The following ZNF467 variants were observed in gnomAD, a reference collection of about 807,000 sequenced individuals.
ZNF467 encodes the protein zinc finger protein EZI.
In ZNF467, 51 loss-of-function variants were observed where a neutral mutation model predicts 47.8. The ratio of observed to expected loss-of-function variants is 1.07; its 90% CI spans 0.85 to 1.35. The LOEUF (loss-of-function observed/expected upper bound fraction) is 1.35. Ranked by LOEUF, ZNF467 falls within the 40% of genes most tolerant of loss-of-function variation. ZNF467 has a pLI of 0.00. For missense variants in ZNF467, 992 were observed against 858.1 expected (o/e 1.16, Z -1.95); for synonymous variants, 416 against 372.9 (o/e 1.12, Z -1.33).
Position 149,769,993 on chromosome 7 carries a change from A to C in ZNF467, c.151+447T>G, listed in dbSNP as rs1256518430. On this transcript the variant is annotated intron_variant, in intron 3 of 4. Transcript: ENST00000302017. This position sits in a 1 kb window ranked among gnomAD's most constrained non-coding sequence, Gnocchi z 5.3. ...TGCCCGGCTTCCCCAAGCTCCTTCA[A>C]ATCCTGCACAAATCTTACCTTCCCA... Among the ~76,000 whole-genome samples the C allele has an allele frequency of 4.6e-5, 7 of 152,136 alleles. No individual in the cohort carries two copies. In the South Asian group the frequency reaches 6.2e-4, roughly 14 times the overall value.
In ZNF467 at chr7:149,770,482, T is replaced by G; in HGVS notation, c.109A>C (p.Met37Leu). The change falls in exon 3 of 5, where the codon ATG (methionine) becomes CTG (leucine). Residue 37 changes from methionine to leucine, a missense_variant. Met to Leu is a conservative substitution (Grantham distance 15). Coordinates refer to ENST00000302017, the MANE Select transcript of ZNF467 (RefSeq NM_207336.3). Reference sequence around the variant, plus strand: ...GCTCTCTCTTCCCTAGAAGAGGACATCTGCTCCTGGGCATTATGGGATCCT... The same window carrying G: ...GCTCTCTCTTCCCTAGAAGAGGACAGCTGCTCCTGGGCATTATGGGATCCT... ...REGSHNAQEQ[M>L]SSSREERALG... 1 of 1,613,572 alleles carries G rather than the reference T, an allele frequency of 6.2e-7. No individual in the cohort carries two copies. The highest frequency in any genetic ancestry group is 8.5e-7 in the Non-Finnish European group (1 of 1,179,808).
chr7:149,769,036 G>T lies in ZNF467; in HGVS notation c.262+54C>A. 2.1e-6 allele frequency: 3 copies of T among 1,449,404 alleles called. No homozygotes were observed. The highest frequency in any genetic ancestry group is 1.3e-5 in the South Asian group (1 of 74,552). 89.8% of individuals were successfully genotyped at this position (1,449,404 alleles called of 1,614,324 possible). ...AGATAGCAGCTCCGGAGCTTGCTGG[G>T]CCCCGTTCCCTTGGCCTGAGCCCGT... is the stretch of plus-strand genomic sequence containing the variant. On this transcript the variant is annotated intron_variant, in intron 4 of 4. Coordinates refer to ENST00000302017, the MANE Select transcript of ZNF467 (RefSeq NM_207336.3). This position sits in a 1 kb window ranked among gnomAD's most constrained non-coding sequence, Gnocchi z 5.3.
upstream of ZNF467, chr7:149,775,979 A>C: frequency 7.9e-7 from 1 of 1,266,464 alleles, no homozygotes; most frequent in South Asian, 1.2e-5. Flanking sequence ...CCCTCTCTGC[A>C]GCATTGCCTC....
chr7:149,771,975 C>T (rs1313655390), intron 1 of ZNF467, among the ~76,000 whole-genome samples: 4 of 149,804 alleles, frequency 2.7e-5, no homozygotes, highest in Non-Finnish European at 6.0e-5. Flanking sequence ...CTCCCCTCCC[C>T]CTCTCAGACT....
At chr7:149,772,916 C>T (rs1374111522) in intron 1 of ZNF467, among the ~76,000 whole-genome samples, 192 bp downstream of exon 1, 2 of 138,028 alleles carry the variant, frequency 1.4e-5, no homozygotes, top group Admixed American at 1.4e-4. Flanking sequence ...CAGCCCTCAC[C>T]CTGCCCGCGC....
At chr7:149,766,866 TAC>T (rs931817769) in intron 4 of ZNF467, among the ~76,000 whole-genome samples, 2 of 152,222 alleles carry the variant, frequency 1.3e-5, no homozygotes, top group African/African-American at 4.8e-5. Context: ...GTATTCCTGC[TAC>T]TCCCTTCTTT....
upstream of ZNF467, among the ~76,000 whole-genome samples, chr7:149,775,639 G>A (rs747864417): frequency 4.0e-5 from 6 of 151,802 alleles, 1 homozygote; most frequent in South Asian, 4.2e-4. Flanking sequence ...GGAAATTGAG[G>A]CCCAGAAATG....
chr7:149,765,315 T>A lies in ZNF467; in HGVS notation c.1187A>T (p.Asp396Val). The A allele has an allele frequency of 6.8e-7, 1 of 1,480,416 alleles. No individual in the cohort carries two copies. Among genetic ancestry groups the A allele is most frequent in the East Asian group, 2.5e-5 (1 of 40,454 alleles). 91.7% of individuals were successfully genotyped at this position (1,480,416 alleles called of 1,614,324 possible). A position where few individuals can be genotyped will look rare whatever the true frequency, so the allele number is the denominator to read the frequency against. ...CDECALGATVDAPAAKPLASA... is the reference protein window; with the variant it reads ...CDECALGATVVAPAAKPLASA... The stretch of plus-strand genomic sequence containing the variant: ...GGCCAGGGGCTTGGCGGCGGGGGCA[T>A]CCACGGTGGCGCCCAGTGCGCACTC... The change falls in exon 5 of 5, where the codon GAT becomes GTT. Residue 396 changes from aspartate (D) to valine (V), a missense_variant. Coordinates refer to ENST00000302017, the MANE Select transcript of ZNF467 (RefSeq NM_207336.3).
chr7:149,765,090 C>A lies in ZNF467; in HGVS notation c.1412G>T (p.Arg471Leu). ...CTQCDRRFGS[R>L]PNLVAHSRAH... ...CCTGGAGTGGGCGACCAGATTAGGC[C>A]GCGAGCCGAAGCGGCGGTCACACTG... Residue 471 changes from arginine to leucine, a missense_variant, in exon 5 of 5, where the codon CGG (arginine) becomes CTG (leucine). Transcript: ENST00000302017. The A allele has an allele frequency of 6.8e-7, 1 of 1,468,962 alleles. No individual in the cohort carries two copies. The highest frequency in any genetic ancestry group is 1.5e-5 in the African/African-American group (1 of 68,624). 91.0% of individuals were successfully genotyped at this position (1,468,962 alleles called of 1,614,324 possible).
rs1799310724 is a variant in ZNF467 at position 149,769,158 on chromosome 7, T to C, written c.194A>G (p.Gln65Arg). 11 of 1,562,974 alleles carry C rather than the reference T, an allele frequency of 7.0e-6. No homozygotes were observed. In the East Asian group the frequency reaches 2.6e-4, roughly 37 times the overall value. The change falls in exon 4 of 5, where the codon CAA (glutamine) becomes CGA (arginine). Residue 65 changes from glutamine to arginine, a missense_variant. Coordinates refer to ENST00000302017, the MANE Select transcript of ZNF467 (RefSeq NM_207336.3). This position sits in a 1 kb window ranked among gnomAD's most constrained non-coding sequence, Gnocchi z 5.3. Reference protein sequence around the residue: ...PTPEEGAHTEQAEAPCRGQAC... With the variant: ...PTPEEGAHTERAEAPCRGQAC... ...CTGGCCTCTGCAGGGAGCCTCGGCT[T>C]GTTCTGTGTGGGCACCTTCCTCCGG...
rs1182545947 is a variant in ZNF467, at chr7:149,771,926, T to G, written c.-42-852A>C. 5.3e-5 allele frequency among the ~76,000 whole-genome samples: 4 copies of G among 75,332 alleles called. No individual in the cohort carries two copies. The East Asian group carries it at 1.0e-3, about 19-fold the overall frequency. 49.4% of individuals were successfully genotyped at this position (75,332 alleles called of 152,430 possible). On this transcript the variant is annotated intron_variant, in intron 1 of 4. Transcript: ENST00000302017. ...GGGTCGGCCCTCCGCTGCCACCGCC[T>G]CCCCTGACCCTACGCTCCGGGCCGC...
chr7:149,771,396 C>T (rs1799401787), intron 1 of ZNF467, among the ~76,000 whole-genome samples: 1 of 152,166 alleles, frequency 6.6e-6, no homozygotes, highest in Non-Finnish European at 1.5e-5. Flanking sequence ...TGGGAAAGTG[C>T]AGGCAAGATT....
Position 149,765,053 on chromosome 7 carries a change from G to C in ZNF467, c.1449C>G (p.Gly483=). The C allele has an allele frequency of 6.7e-7, 1 of 1,501,296 alleles. No homozygotes were observed. The highest frequency in any genetic ancestry group is 8.8e-7 in the Non-Finnish European group (1 of 1,131,496). The allele number at this position is 1,501,296 out of a possible 1,614,324, so 93.0% of individuals were successfully genotyped here. A position where few individuals can be genotyped will look rare whatever the true frequency, so the allele number is the denominator to read the frequency against. Residue 483 remains glycine, a synonymous_variant, in exon 5 of 5, where the codon GGC becomes GGG. Coordinates refer to ENST00000302017, the MANE Select transcript of ZNF467 (RefSeq NM_207336.3). The part of the protein sequence containing the change: ...NLVAHSRAHS[G]ARPFACAQCG... ...ACTGAGCGCAGGCGAAAGGCCTGGC[G>C]CCGCTGTGGGCCCTGGAGTGGGCGA...
At chr7:149,771,707 C>T (rs1585958585) in intron 1 of ZNF467, among the ~76,000 whole-genome samples, 1 of 149,566 alleles carries the variant, frequency 6.7e-6, no homozygotes, top group East Asian at 2.0e-4. Context: ...CCGCGGCTCC[C>T]CCGCCCCTCC....
chr7:149,767,515 T>A (rs1447986779), intron 4 of ZNF467, among the ~76,000 whole-genome samples: 1 of 152,216 alleles, frequency 6.6e-6, no homozygotes, highest in East Asian at 1.9e-4. Context: ...ATTGTGGCAC[T>A]CTTTACTTTT....
rs145466028 is a variant in ZNF467 at position 149,769,808 on chromosome 7, G to A, written c.152-608C>T. Among the ~76,000 whole-genome samples, 63 of 152,322 alleles carry A rather than the reference G, an allele frequency of 4.1e-4. No individual in the cohort carries two copies. The highest frequency in any genetic ancestry group is 1.5e-3 in the African/African-American group (61 of 41,572). On this transcript the variant is annotated intron_variant, in intron 3 of 4. Transcript: ENST00000302017. The surrounding 1 kb of genome is among the most constrained non-coding windows in gnomAD (Gnocchi z 5.3). ...GGATCCTCCTGCCCCAGCCTCCCAAGTAGCTGGGAACACAGGCATGAGCCA... is the reference window on the plus strand; with the variant it reads ...GGATCCTCCTGCCCCAGCCTCCCAAATAGCTGGGAACACAGGCATGAGCCA...
chr7:149,770,318 G>A, intron 3 of ZNF467, 122 bp downstream of exon 3: 1 of 607,570 alleles, frequency 1.6e-6, no homozygotes, highest in Admixed American at 3.2e-5. Flanking sequence ...ATGAATGGAA[G>A]GAAGGAAGGA....
In ZNF467 at chr7:149,770,552, G is replaced by A; in HGVS notation, c.39C>T (p.Phe13=). The A allele has an allele frequency of 6.2e-7, 1 of 1,612,358 alleles. No homozygotes were observed. The highest frequency in any genetic ancestry group is 8.5e-7 in the Non-Finnish European group (1 of 1,179,076). ...GGGCCATCTCTGGCTGTCCCACAGA[G>A]AATCCTGTTACAGGCAGAAGGATGG... ...ETLEALSSLG[F]SVGQPEMAPQ... Residue 13 remains phenylalanine, a synonymous_variant, in exon 3 of 5, where the codon TTC becomes TTT. Coordinates refer to ENST00000302017, the MANE Select transcript of ZNF467 (RefSeq NM_207336.3).
chr7:149,773,641 C>G (rs894670295), upstream of ZNF467, among the ~76,000 whole-genome samples: 5 of 45,640 alleles, frequency 1.1e-4, no homozygotes, highest in Admixed American at 1.2e-3. Context: ...GGAGCGCGAA[C>G]GGGTGGGGGG....
Sources: allele counts gnomAD v4.1 joint callset (sites outside exome capture counted in the v4.1 genomes callset), GRCh38; gene constraint gnomAD v4.1.1; non-coding constraint Gnocchi (gnomAD v3.1); transcripts MANE v1.5; gene names NCBI Gene and HGNC (gene_info 2026-07-23, HGNC 2026-07-21).